The following BMPR1A variants were observed in gnomAD, a reference collection of about 807,000 sequenced individuals.
The protein encoded by BMPR1A is bone morphogenetic protein receptor type 1A, also known as bone morphogenetic protein receptor type-1A.
A neutral mutation model predicts 66.0 loss-of-function variants in BMPR1A; 7 were observed. That is an observed-to-expected ratio of 0.11 (90% CI 0.06 to 0.20). BMPR1A has a LOEUF of 0.20. Ranked by LOEUF, BMPR1A falls within the 10% of genes least tolerant of loss-of-function variation. BMPR1A has a pLI of 1.00. For missense variants in BMPR1A, 408 were observed against 669.1 expected (o/e 0.61, Z 4.31); for synonymous variants, 200 against 229.7 (o/e 0.87, Z 1.17).
intron 5 of BMPR1A, among the ~76,000 whole-genome samples, chr10:86,894,138 T>C (rs1843194136): frequency 6.6e-6 from 1 of 152,248 alleles, no homozygotes; most frequent in Non-Finnish European, 1.5e-5. Context: ...AGAGAATAAA[T>C]AGCCCTGTTC....
Position 86,866,399 on chromosome 10 carries a change from C to CTTTTTTTTTTTTCTTTTTTTTTTTTT in BMPR1A, c.-152-9456_-152-9455insCTTTTTTTTTTTTTTTTTTTTTTTTT, listed in dbSNP as rs1842785864. ...TGTGTTAAGTTGGGCAAGTTTCTTTCTTTTTTTTTTTTTTTTTTTTTTTTT... is the reference window on the plus strand; with the variant it reads ...TGTGTTAAGTTGGGCAAGTTTCTTTCTTTTTTTTTTTTCTTTTTTTTTTTTTTTTTTTTTTTTTTTTTTTTTTTTTT... On this transcript the variant is annotated intron_variant, in intron 2 of 12. Coordinates refer to ENST00000372037, the MANE Select transcript of BMPR1A (RefSeq NM_004329.3). 1.4e-4 allele frequency among the ~76,000 whole-genome samples: 10 copies of CTTTTTTTTTTTTCTTTTTTTTTTTTT among 69,472 alleles called. 2 individuals are homozygous for CTTTTTTTTTTTTCTTTTTTTTTTTTT. Among genetic ancestry groups the CTTTTTTTTTTTTCTTTTTTTTTTTTT allele is most frequent in the African/African-American group, 5.3e-4 (10 of 18,790 alleles). The allele number at this position is 69,472 out of a possible 152,430, so 45.6% of individuals were successfully genotyped here.
intron 1 of BMPR1A, among the ~76,000 whole-genome samples, chr10:86,817,570 AGTACT>A (rs1472314529): frequency 6.6e-6 from 1 of 152,236 alleles, no homozygotes. Context: ...CAACTAAAAG[AGTACT>A]GTAAACAAAT....
At chr10:86,886,712 A>G (rs967983326) in intron 3 of BMPR1A, among the ~76,000 whole-genome samples, 1 of 151,940 alleles carries the variant, frequency 6.6e-6, no homozygotes, top group Non-Finnish European at 1.5e-5. Flanking sequence ...AAATCTTGCA[A>G]GTTTTTAAGA....
intron 1 of BMPR1A, among the ~76,000 whole-genome samples, chr10:86,794,104 C>G (rs908535199): frequency 6.6e-6 from 1 of 152,208 alleles, no homozygotes. Context: ...AGTCACACAT[C>G]TGCAAAGTCC....
At chr10:86,818,109 C>G (rs1296494011) in intron 1 of BMPR1A, among the ~76,000 whole-genome samples, 1 of 152,194 alleles carries the variant, frequency 6.6e-6, no homozygotes, top group Non-Finnish European at 1.5e-5. Flanking sequence ...ACCTCTGCTT[C>G]CCGGGTTCAA....
At position 86,923,822 on chromosome 10, in the gene BMPR1A, C is replaced by G. The variant is rs1760382599; in HGVS notation, c.*103C>G. 6.7e-7 allele frequency: 1 copy of G among 1,483,136 alleles called. No individual in the cohort carries two copies. Among genetic ancestry groups the G allele is most frequent in the East Asian group, 2.3e-5 (1 of 43,946 alleles). 91.9% of individuals were successfully genotyped at this position (1,483,136 alleles called of 1,614,324 possible). ...TAAGGATGTTAACTTGGTTCTCAGACTCTTTCTTCACTACGTGTTCACAGG... is the reference window on the plus strand; with the variant it reads ...TAAGGATGTTAACTTGGTTCTCAGAGTCTTTCTTCACTACGTGTTCACAGG... On this transcript the variant is annotated 3_prime_UTR_variant, in exon 13 of 13. Coordinates refer to ENST00000372037, the MANE Select transcript of BMPR1A (RefSeq NM_004329.3).
At chr10:86,870,294 A>T (rs919101482) in intron 2 of BMPR1A, among the ~76,000 whole-genome samples, 1 of 152,144 alleles carries the variant, frequency 6.6e-6, no homozygotes, top group Non-Finnish European at 1.5e-5. Context: ...TGAACCTTTG[A>T]TCTCTTCACT....
chr10:86,837,513 G>A (rs1411902715), intron 1 of BMPR1A, among the ~76,000 whole-genome samples: 1 of 150,642 alleles, frequency 6.6e-6, no homozygotes, highest in Non-Finnish European at 1.5e-5. Context: ...GGCAAAGAAT[G>A]GCTTTGGAGG....
At chr10:86,878,063 C>T (rs1483547598) in intron 3 of BMPR1A, among the ~76,000 whole-genome samples, 1 of 152,116 alleles carries the variant, frequency 6.6e-6, no homozygotes, top group Admixed American at 6.5e-5. Flanking sequence ...CAAATGTTTG[C>T]TCTTAAAGCT....
At chr10:86,835,249 G>GAAAAAAAA (rs200647478) in intron 1 of BMPR1A, among the ~76,000 whole-genome samples, 5 of 117,390 alleles carry the variant, frequency 4.3e-5, no homozygotes, top group African/African-American at 1.3e-4. Flanking sequence ...AAGAAAAAAA[G>GAAAAAAAA]AAAAAAAAAA....
intron 1 of BMPR1A, among the ~76,000 whole-genome samples, chr10:86,800,055 A>C (rs1047420136): frequency 6.6e-6 from 1 of 152,184 alleles, no homozygotes; most frequent in Non-Finnish European, 1.5e-5. Context: ...GTTGCAAACT[A>C]GTGACCTGTC....
intron 1 of BMPR1A, among the ~76,000 whole-genome samples, chr10:86,826,706 G>A (rs532164301): frequency 2.6e-4 from 39 of 150,816 alleles, no homozygotes; most frequent in Admixed American, 9.3e-4. Context: ...TTTTTTTTCC[G>A]CTGTATAATA....
intron 2 of BMPR1A, among the ~76,000 whole-genome samples, chr10:86,854,124 G>A (rs552232933): frequency 5.3e-5 from 8 of 152,334 alleles, no homozygotes; most frequent in Non-Finnish European, 8.8e-5. Context: ...GTTCCTTGCT[G>A]AGAAAAAGAA....
In BMPR1A at chr10:86,833,475, A is replaced by G. The variant is rs192813432; in HGVS notation, c.-267-5390A>G. 4.1e-3 allele frequency among the ~76,000 whole-genome samples: 617 copies of G among 152,318 alleles called. 2 individuals carry two copies. Among genetic ancestry groups the G allele is most frequent in the Non-Finnish European group, 5.1e-3 (350 of 68,034 alleles). Reference sequence around the variant, plus strand: ...GTGTATCAGAGCTAGAATGAGCAGCATTTAGTAACTCCTGAGTATAATAGA... The same window carrying G: ...GTGTATCAGAGCTAGAATGAGCAGCGTTTAGTAACTCCTGAGTATAATAGA... On this transcript the variant is annotated intron_variant, in intron 1 of 12. Transcript: ENST00000372037.
chr10:86,815,702 G>T (rs1048578611), intron 1 of BMPR1A, among the ~76,000 whole-genome samples: 1 of 152,200 alleles, frequency 6.6e-6, no homozygotes, highest in Non-Finnish European at 1.5e-5. Flanking sequence ...CTAGGACTGA[G>T]ATCCTGTGCC....
intron 1 of BMPR1A, among the ~76,000 whole-genome samples, chr10:86,813,512 A>G (rs567808061): frequency 2.6e-5 from 4 of 152,332 alleles, no homozygotes; most frequent in South Asian, 4.1e-4. Flanking sequence ...TCAAGGACAT[A>G]GGTGTGGTAG....
At chr10:86,868,778 G>GTTTTTTTTTTTTTTTTT (rs55872033) in intron 2 of BMPR1A, among the ~76,000 whole-genome samples, 2 of 141,058 alleles carry the variant, frequency 1.4e-5, no homozygotes, top group Non-Finnish European at 3.1e-5. Context: ...CTTTTCCTGT[G>GTTTTTTTTTTTTTTTTT]TTTTTTTTTT....
chr10:86,886,174 A>G (rs1212601769), intron 3 of BMPR1A, among the ~76,000 whole-genome samples: 1 of 152,226 alleles, frequency 6.6e-6, no homozygotes, highest in Admixed American at 6.5e-5. Flanking sequence ...CATGTTCAGA[A>G]CTGACAGAAG....
intron 11 of BMPR1A, 93 bp downstream of exon 11, chr10:86,921,788 G>T: frequency 6.6e-7 from 1 of 1,514,900 alleles, no homozygotes; most frequent in South Asian, 1.2e-5. Context: ...TTTAATTTTT[G>T]TGGGCACATA....
Sources: gnomAD v4.1 joint callset for allele counts (sites outside exome capture counted in the v4.1 genomes callset) on GRCh38, gnomAD v4.1.1 for gene constraint, MANE v1.5 for transcripts, NCBI Gene and HGNC (gene_info 2026-07-23, HGNC 2026-07-21) for gene names.